The following TP63 variants were observed in gnomAD, a reference collection of about 807,000 sequenced individuals.
The protein encoded by TP63 is tumor protein 63.
TP63 carries 17 observed loss-of-function variants against 82.8 expected under a neutral mutation model. The ratio of observed to expected loss-of-function variants is 0.21; its 90% CI spans 0.14 to 0.31. TP63 has a LOEUF of 0.31. Ranked by LOEUF, TP63 falls within the 10% of genes least tolerant of loss-of-function variation. The probability of loss-of-function intolerance (pLI) is 1.00; values close to 1 mark genes in which losing one functional copy is unlikely to be tolerated. For missense variants in TP63, 648 were observed against 895.3 expected, an observed-to-expected ratio of 0.72 and a Z score of 3.52; for synonymous variants, 330 against 321.7, an observed-to-expected ratio of 1.03 and a Z score of -0.28.
At chr3:189,631,303 A>C (rs1305483637), upstream of TP63, 1 of 1,374,188 alleles carries the variant, frequency 7.3e-7, no homozygotes, top group African/African-American at 1.5e-5. Context: ...ATGAAGTTTT[A>C]GTCAATTGAT....
At chr3:189,889,064 C>T (rs1318448643) in intron 11 of TP63, among the ~76,000 whole-genome samples, 2 of 152,020 alleles carry the variant, frequency 1.3e-5, no homozygotes, top group South Asian at 4.1e-4. Context: ...ACATTAAGAG[C>T]AATTAGCAAT....
intron 1 of TP63, among the ~76,000 whole-genome samples, chr3:189,634,097 C>T (rs1368392908): frequency 1.3e-5 from 2 of 151,820 alleles, no homozygotes; most frequent in African/African-American, 2.4e-5. Context: ...TTCTTTGATA[C>T]CTCATGAGTA....
At chr3:189,859,329 T>C (rs1456455576) in intron 4 of TP63, among the ~76,000 whole-genome samples, 1 of 152,168 alleles carries the variant, frequency 6.6e-6, no homozygotes, top group Non-Finnish European at 1.5e-5. Flanking sequence ...GTATTACAAT[T>C]TTTTTAACTC....
intron 1 of TP63, among the ~76,000 whole-genome samples, chr3:189,731,320 A>G (rs1189724067): frequency 6.6e-6 from 1 of 151,644 alleles, no homozygotes; most frequent in Non-Finnish European, 1.5e-5. Context: ...CTCCAGGCTG[A>G]GCAAGAGAGA....
chr3:189,714,825 A>C (rs73196000), intron 1 of TP63, among the ~76,000 whole-genome samples: 7 of 152,296 alleles, frequency 4.6e-5, no homozygotes, highest in Non-Finnish European at 1.0e-4. Context: ...TATAAAAAGC[A>C]TCTCTTTTTT....
At chr3:189,689,174 T>C (rs377266384) in intron 1 of TP63, among the ~76,000 whole-genome samples, 10 of 128,642 alleles carry the variant, frequency 7.8e-5, no homozygotes, top group East Asian at 2.7e-4. Context: ...TGGAGTGCAA[T>C]GGCATGAACT....
chr3:189,800,172 T>G (rs1248919402), intron 3 of TP63, among the ~76,000 whole-genome samples: 2 of 152,096 alleles, frequency 1.3e-5, no homozygotes, highest in African/African-American at 4.8e-5. Context: ...AACAAGGAAT[T>G]GGAAAACAGC....
At chr3:189,600,785 ATC>A in the TP63 span, among the ~76,000 whole-genome samples, 1 of 152,218 alleles carries the variant, frequency 6.6e-6, no homozygotes, top group African/African-American at 2.4e-5. Context: ...GCAAAAAGGC[ATC>A]TAAAGAACCT....
chr3:189,757,605 A>C (rs1722275447), intron 3 of TP63, among the ~76,000 whole-genome samples: 1 of 150,164 alleles, frequency 6.7e-6, no homozygotes, highest in African/African-American at 2.5e-5. Flanking sequence ...TTACTGATGC[A>C]GGACAAGAAA....
At chr3:189,642,429 T>C (rs1236405443) in intron 1 of TP63, among the ~76,000 whole-genome samples, 1 of 152,194 alleles carries the variant, frequency 6.6e-6, no homozygotes, top group Non-Finnish European at 1.5e-5. Flanking sequence ...TATTATTTCT[T>C]TCTAACCAAC....
chr3:189,629,449 A>G (rs928816694), upstream of TP63, among the ~76,000 whole-genome samples: 3 of 152,140 alleles, frequency 2.0e-5, no homozygotes, highest in Non-Finnish European at 4.4e-5. Context: ...AAGACACAAC[A>G]CACTAGAGAT....
chr3:189,737,951 G>T, intron 2 of TP63, 83 bp downstream of exon 2: 1 of 1,537,490 alleles, frequency 6.5e-7, no homozygotes, highest in Non-Finnish European at 8.9e-7. Context: ...ACTAGGGCAT[G>T]TTTTTTCTAG....
In TP63 at chr3:189,885,588, G is replaced by A. The variant is rs535287712; in HGVS notation, c.1350-806G>A. Among the ~76,000 whole-genome samples the A allele has an allele frequency of 2.8e-4, 43 of 152,274 alleles. 1 individual carries two copies. The South Asian group carries it at 8.7e-3, about 31-fold the overall frequency. ...GTTTTTATATTAAGATAAAACATCA[G>A]GAATGACAGTTGAGTTGGGAATATT... On this transcript the variant is annotated intron_variant, in intron 10 of 13. Coordinates refer to ENST00000264731, the MANE Select transcript of TP63 (RefSeq NM_003722.5).
intron 1 of TP63, among the ~76,000 whole-genome samples, chr3:189,638,964 A>G (rs1301373972): frequency 3.9e-5 from 6 of 152,154 alleles, no homozygotes; most frequent in Admixed American, 2.6e-4. Flanking sequence ...ATAATGAAAA[A>G]CAGAGATGCA....
intron 7 of TP63, 79 bp downstream of exon 7, chr3:189,868,021 C>A: frequency 1.7e-6 from 2 of 1,204,926 alleles, no homozygotes; most frequent in Non-Finnish European, 2.4e-6. Flanking sequence ...GCTGCTTTAT[C>A]ATTAATTTTG....
At chr3:189,704,242 G>C (rs951091337) in intron 1 of TP63, among the ~76,000 whole-genome samples, 2 of 152,258 alleles carry the variant, frequency 1.3e-5, no homozygotes, top group African/African-American at 4.8e-5. Flanking sequence ...AAAAGGTTAA[G>C]TAGTAAGGTG....
chr3:189,719,311 C>T (rs1224145700), intron 1 of TP63, among the ~76,000 whole-genome samples: 1 of 152,084 alleles, frequency 6.6e-6, no homozygotes, highest in East Asian at 1.9e-4. Flanking sequence ...CAAACTTGTC[C>T]TTAGTTATAA....
At chr3:189,649,531 T>A (rs13089021) in intron 1 of TP63, among the ~76,000 whole-genome samples, 5 of 145,764 alleles carry the variant, frequency 3.4e-5, no homozygotes, top group South Asian at 2.3e-4. Flanking sequence ...AGTGCTAGGC[T>A]TAATACCTGG....
At chr3:189,773,219 G>T (rs1049628840) in intron 3 of TP63, among the ~76,000 whole-genome samples, 9 of 152,128 alleles carry the variant, frequency 5.9e-5, no homozygotes, top group Non-Finnish European at 1.0e-4. Context: ...ACCAAGTAAG[G>T]CATTTACTGT....
Sources: gnomAD v4.1 joint callset for allele counts (sites outside exome capture counted in the v4.1 genomes callset) on GRCh38, gnomAD v4.1.1 for gene constraint, MANE v1.5 for transcripts, NCBI Gene and HGNC (gene_info 2026-07-23, HGNC 2026-07-21) for gene names.